Variants in NPSR1 observed in about 807,000 individuals in gnomAD.
NPSR1 encodes the protein neuropeptide S receptor.
Under a neutral mutation model 46.9 loss-of-function variants are expected in NPSR1, and 48 were observed. The observed-to-expected ratio is 1.02, with a 90% CI of 0.81 to 1.30. NPSR1 has a LOEUF of 1.30. Ranked by LOEUF, NPSR1 falls within the 50% of genes most tolerant of loss-of-function variation. The probability of loss-of-function intolerance (pLI) is 0.00; values close to 1 mark genes in which losing one functional copy is unlikely to be tolerated. For synonymous variants in NPSR1, 176 were observed against 168.1 expected, an observed-to-expected ratio of 1.05 and a Z score of -0.36; for missense variants, 450 against 449.5, an observed-to-expected ratio of 1.00 and a Z score of -0.01.
rs1792902770 is a variant in NPSR1 at position 34,685,868 on chromosome 7, G to A, written c.280+1184G>A. The A allele has an allele frequency of 2.2e-5, 5 of 222,706 alleles. 1 individual carries two copies. In the South Asian group the frequency reaches 2.4e-4, roughly 11 times the overall value. The allele number at this position is 222,706 out of a possible 1,614,324, so 13.8% of individuals were successfully genotyped here. On this transcript the variant is annotated intron_variant, in intron 2 of 8. Transcript: ENST00000360581. ...GAGTTCTGAAGATGGAACCTGGGAT[G>A]GGGGAAAGTTTCTTCAATCTTTCCT...
chr7:34,663,069 G>GTGTGTGTGTGTT (rs1791546338), intron 1 of NPSR1, among the ~76,000 whole-genome samples: 2 of 71,024 alleles, frequency 2.8e-5, no homozygotes, highest in Non-Finnish European at 6.0e-5. Context: ...CTCTCTCTCT[G>GTGTGTGTGTGTT]TGTGTGTGTG....
At chr7:34,795,075 G>T (rs1788113219) in intron 3 of NPSR1, among the ~76,000 whole-genome samples, 1 of 151,920 alleles carries the variant, frequency 6.6e-6, no homozygotes, top group Non-Finnish European at 1.5e-5. Context: ...CCACAAACAA[G>T]TAAGGCTTAT....
chr7:34,720,152 C>T (rs999938816), intron 2 of NPSR1, among the ~76,000 whole-genome samples: 1 of 151,720 alleles, frequency 6.6e-6, no homozygotes, highest in South Asian at 2.1e-4. Context: ...TAGTGGTGCA[C>T]GCCTGTAGTC....
intron 8 of NPSR1, among the ~76,000 whole-genome samples, chr7:34,860,612 G>A (rs1200286474): frequency 1.3e-5 from 2 of 151,740 alleles, no homozygotes; most frequent in Non-Finnish European, 2.9e-5. Context: ...CTGTTTTGAT[G>A]GAAATATATA....
intron 3 of NPSR1, among the ~76,000 whole-genome samples, chr7:34,811,560 T>G (rs1767732374): frequency 6.6e-6 from 1 of 152,084 alleles, no homozygotes; most frequent in African/African-American, 2.4e-5. Context: ...GGCTTGAGGG[T>G]GGGGTCTTTG....
chr7:34,795,376 T>C (rs1479470278), intron 3 of NPSR1, among the ~76,000 whole-genome samples: 1 of 152,146 alleles, frequency 6.6e-6, no homozygotes, highest in African/African-American at 2.4e-5. Flanking sequence ...AGGATTTCCC[T>C]CTCACATTCC....
At chr7:34,735,631 T>C (rs1199691451) in intron 2 of NPSR1, among the ~76,000 whole-genome samples, 1 of 152,230 alleles carries the variant, frequency 6.6e-6, no homozygotes, top group Non-Finnish European at 1.5e-5. Flanking sequence ...AGTGCTTGAT[T>C]AGTTAGTTTC....
chr7:34,768,817 C>T (rs1422120585), intron 2 of NPSR1, among the ~76,000 whole-genome samples: 1 of 152,024 alleles, frequency 6.6e-6, no homozygotes, highest in Non-Finnish European at 1.5e-5. Flanking sequence ...AGAGAGGATT[C>T]AAATTTGAGA....
intron 3 of NPSR1, among the ~76,000 whole-genome samples, chr7:34,809,383 G>A (rs569578499): frequency 1.5e-4 from 23 of 151,200 alleles, no homozygotes; most frequent in South Asian, 4.2e-4. Flanking sequence ...TAAGTTGAGG[G>A]GTACATGTGC....
At chr7:34,837,366 C>T (rs985515010) in intron 6 of NPSR1, among the ~76,000 whole-genome samples, 2 of 152,202 alleles carry the variant, frequency 1.3e-5, no homozygotes, top group South Asian at 2.1e-4. Flanking sequence ...CTCTAAGGCC[C>T]ACTCAAAGCC....
At chr7:34,840,610 A>C (rs11771697) in intron 6 of NPSR1, among the ~76,000 whole-genome samples, 10,575 of 152,246 alleles carry the variant, frequency 0.069, 486 homozygotes, top group Middle Eastern at 0.19. Context: ...CAGAAGAGCA[A>C]AGCAACTGCT....
At chr7:34,752,631 A>G (rs1461644421) in intron 2 of NPSR1, among the ~76,000 whole-genome samples, 2 of 152,184 alleles carry the variant, frequency 1.3e-5, no homozygotes, top group African/African-American at 4.8e-5. Context: ...CCAGAATTTT[A>G]CTAGATGTTT....
chr7:34,837,897 A>G (rs747617238), intron 6 of NPSR1, among the ~76,000 whole-genome samples: 2 of 152,238 alleles, frequency 1.3e-5, no homozygotes, highest in Non-Finnish European at 2.9e-5. Context: ...CTAAAGGCTG[A>G]GTCATGACTG....
At position 34,669,878 on chromosome 7, in the gene NPSR1, G is replaced by A. The variant is rs1391637934; in HGVS notation, c.147+11319G>A. On this transcript the variant is annotated intron_variant, in intron 1 of 8. Transcript: ENST00000360581. ...AAGTTGGAGCTTCTGCTCAGCTGTC[G>A]AGAGGATCGTGAAAAAACGAGAGTG... Among the ~76,000 whole-genome samples the A allele has an allele frequency of 3.9e-5, 6 of 152,174 alleles. No individual in the cohort carries two copies. The South Asian group carries it at 1.0e-3, about 26-fold the overall frequency.
Position 34,819,520 on chromosome 7 carries a change from G to C in NPSR1, c.478+7657G>C, listed in dbSNP as rs971068896. Among the ~76,000 whole-genome samples, 9 of 152,154 alleles carry C rather than the reference G, an allele frequency of 5.9e-5. 1 individual carries two copies. The highest frequency in any genetic ancestry group is 4.6e-4 in the Admixed American group (7 of 15,274). On this transcript the variant is annotated intron_variant, in intron 4 of 8. Transcript: ENST00000360581. The stretch of plus-strand genomic sequence containing the variant: ...GAACACAGTGTGGCGATTCCTCAAG[G>C]ATCTAGAACTAGAAATACTATTTGA...
chr7:34,766,203 G>T (rs1332628513), intron 2 of NPSR1, among the ~76,000 whole-genome samples: 1 of 152,204 alleles, frequency 6.6e-6, no homozygotes, highest in Non-Finnish European at 1.5e-5. Flanking sequence ...AGTCCTGAGT[G>T]CTAGAAAGTG....
At chr7:34,749,867 T>A (rs1040693234) in intron 2 of NPSR1, among the ~76,000 whole-genome samples, 6 of 152,208 alleles carry the variant, frequency 3.9e-5, no homozygotes, top group African/African-American at 1.4e-4. Context: ...GATGACTCTT[T>A]CTGTGTTTGC....
chr7:34,877,952 C>T (rs765095588), intron 8 of NPSR1: 41 of 580,708 alleles, frequency 7.1e-5, no homozygotes, highest in Non-Finnish European at 1.2e-4. Context: ...AGTGAAGAAC[C>T]GAGGCGGGAG....
At chr7:34,810,692 T>C (rs1788935829) in intron 3 of NPSR1, among the ~76,000 whole-genome samples, 1 of 152,226 alleles carries the variant, frequency 6.6e-6, no homozygotes, top group Non-Finnish European at 1.5e-5. Context: ...CAGAAAAAAT[T>C]AGTTTAGCTT....
Sources: gnomAD v4.1 joint callset for allele counts (sites outside exome capture counted in the v4.1 genomes callset) on GRCh38, gnomAD v4.1.1 for gene constraint, MANE v1.5 for transcripts, NCBI Gene and HGNC (gene_info 2026-07-23, HGNC 2026-07-21) for gene names.